The following TBL1XR1 variants were observed in gnomAD, a reference collection of about 807,000 sequenced individuals.
The protein encoded by TBL1XR1 is F-box-like/WD repeat-containing protein TBL1XR1.
Under a neutral mutation model 66.9 loss-of-function variants are expected in TBL1XR1, and 5 were observed. That is an observed-to-expected ratio of 0.07 (90% CI 0.04 to 0.16). The LOEUF (loss-of-function observed/expected upper bound fraction) is 0.16, where lower values mean the gene tolerates loss of function less well. Among genes scored for constraint, TBL1XR1 ranks in the 10% least tolerant of loss-of-function variants. The pLI is 1.00. For missense variants in TBL1XR1, 238 were observed against 623.2 expected, an observed-to-expected ratio of 0.38 and a Z score of 6.58; for synonymous variants, 210 against 206.0, an observed-to-expected ratio of 1.02 and a Z score of -0.17.
At chr3:177,034,386 T>A in intron 12 of TBL1XR1, 61 bp from the exon 13 acceptor site, 1 of 1,213,938 alleles carries the variant, frequency 8.2e-7, no homozygotes, top group Non-Finnish European at 1.1e-6. Context: ...ATTTAAAATA[T>A]TATTTTGACA....
chr3:177,053,981 G>A (rs1021643905), intron 3 of TBL1XR1, 63 bp from the exon 4 acceptor site: 3 of 1,498,900 alleles, frequency 2.0e-6, no homozygotes, highest in Non-Finnish European at 2.7e-6. Context: ...AAATGACACA[G>A]AAAGAAAGAT....
chr3:177,107,614 G>A (rs762830449), intron 1 of TBL1XR1, among the ~76,000 whole-genome samples: 2 of 151,970 alleles, frequency 1.3e-5, no homozygotes, highest in Admixed American at 6.6e-5. Flanking sequence ...TGATACATTC[G>A]AACCAGCAAA....
At chr3:177,044,870 C>T (rs1176748233) in intron 10 of TBL1XR1, 1 of 152,092 alleles carries the variant, frequency 6.6e-6, no homozygotes, top group Non-Finnish European at 1.5e-5. Context: ...CATAAACATA[C>T]TTACTTCAAC....
chr3:177,053,824 A>G lies in TBL1XR1; in HGVS notation c.153T>C (p.Ser51=). ...GALVPPAALI[S]IIQKGLQYVE... ...CATACTGTAGACCTTTCTGGATGAT[A>G]GAAATCAATGCAGCGGGTGGGACGA... The change falls in exon 4 of 16, where the codon TCT becomes TCC. Residue 51 remains serine, a synonymous_variant. Transcript: ENST00000457928. 1 of 1,613,564 alleles carries G rather than the reference A, an allele frequency of 6.2e-7. No individual in the cohort carries two copies.
At chr3:177,079,782 CA>C (rs1336907343) in intron 2 of TBL1XR1, 4 of 146,908 alleles carry the variant, frequency 2.7e-5, no homozygotes, top group African/African-American at 1.0e-4. Context: ...ATGAGGGTAG[CA>C]AATCACTTTA....
intron 1 of TBL1XR1, among the ~76,000 whole-genome samples, chr3:177,176,461 T>G (rs1734165485): frequency 6.7e-6 from 1 of 149,380 alleles, no homozygotes; most frequent in South Asian, 2.2e-4. Context: ...CCTCCCAAAG[T>G]ACTGGGAATA....
At chr3:177,031,632 A>G (rs944207539) in intron 14 of TBL1XR1, among the ~76,000 whole-genome samples, 1 of 148,520 alleles carries the variant, frequency 6.7e-6, no homozygotes, top group South Asian at 2.1e-4. Context: ...TGTGCAGCCT[A>G]AAATTTTATT....
chr3:177,122,391 TAAGAG>T (rs984227870), intron 1 of TBL1XR1, among the ~76,000 whole-genome samples: 1 of 151,784 alleles, frequency 6.6e-6, no homozygotes, highest in Non-Finnish European at 1.5e-5. Flanking sequence ...GTAATAGAAC[TAAGAG>T]AAGAGCATCA....
intron 1 of TBL1XR1, among the ~76,000 whole-genome samples, chr3:177,192,156 G>A (rs1460184477): frequency 3.3e-5 from 5 of 151,812 alleles, no homozygotes; most frequent in Non-Finnish European, 7.4e-5. Flanking sequence ...CCAGCACTTT[G>A]GGAGGCCAAA....
intron 2 of TBL1XR1, among the ~76,000 whole-genome samples, chr3:177,070,758 A>AT (rs1719870968): frequency 6.6e-6 from 1 of 152,218 alleles, no homozygotes; most frequent in South Asian, 2.1e-4. Context: ...AGATGGGAGA[A>AT]TCGCTTGAAC....
chr3:177,196,011 T>A (rs189119820), intron 1 of TBL1XR1, among the ~76,000 whole-genome samples: 47 of 152,276 alleles, frequency 3.1e-4, no homozygotes, highest in Non-Finnish European at 4.4e-4. Context: ...GACACTTAGA[T>A]AACCTAACAA....
chr3:177,122,022 A>C (rs1191200038), intron 1 of TBL1XR1, among the ~76,000 whole-genome samples: 2 of 152,164 alleles, frequency 1.3e-5, no homozygotes, highest in Non-Finnish European at 2.9e-5. Flanking sequence ...CAGCATTCCA[A>C]TTAACTGATG....
At chr3:177,086,735 C>T (rs1722171798) in intron 2 of TBL1XR1, among the ~76,000 whole-genome samples, 1 of 151,076 alleles carries the variant, frequency 6.6e-6, no homozygotes, top group African/African-American at 2.4e-5. Flanking sequence ...TACAGTTGAC[C>T]CTTGTACAAA....
At chr3:177,149,729 G>A (rs928985266) in intron 1 of TBL1XR1, among the ~76,000 whole-genome samples, 1 of 151,922 alleles carries the variant, frequency 6.6e-6, no homozygotes, top group Non-Finnish European at 1.5e-5. Flanking sequence ...GGCCGGAGGG[G>A]GACACAACGC....
chr3:177,104,387 C>G (rs1422602776), intron 1 of TBL1XR1, among the ~76,000 whole-genome samples: 2 of 152,288 alleles, frequency 1.3e-5, no homozygotes, highest in East Asian at 3.9e-4. Context: ...AGTATGTTAT[C>G]TCCAACAACA....
At chr3:177,128,705 G>A (rs2862701) in intron 1 of TBL1XR1, among the ~76,000 whole-genome samples, 1 of 152,116 alleles carries the variant, frequency 6.6e-6, no homozygotes, top group East Asian at 1.9e-4. Flanking sequence ...TTATGACACA[G>A]AGCAAATATC....
In TBL1XR1 at chr3:177,148,596, T is replaced by C. The variant is rs536813743; in HGVS notation, c.-122+48525A>G. 5.3e-5 allele frequency among the ~76,000 whole-genome samples: 8 copies of C among 152,100 alleles called. No homozygotes were observed. In the South Asian group the frequency reaches 1.7e-3, roughly 32 times the overall value. On this transcript the variant is annotated intron_variant, in intron 1 of 15. Transcript: ENST00000457928. ...CGAGCATGGTGCCGCATGCCTGTAATTGAACCTACTCAGGAGGCTGAGGCA... is the reference window on the plus strand; with the variant it reads ...CGAGCATGGTGCCGCATGCCTGTAACTGAACCTACTCAGGAGGCTGAGGCA...
At chr3:177,117,937 G>A (rs1441155164) in intron 1 of TBL1XR1, among the ~76,000 whole-genome samples, 1 of 152,182 alleles carries the variant, frequency 6.6e-6, no homozygotes, top group Admixed American at 6.5e-5. Flanking sequence ...TTTATACTAT[G>A]CAAGGTAGTA....
Position 177,161,612 on chromosome 3 carries a change from A to G in TBL1XR1, c.-122+35509T>C, listed in dbSNP as rs148786696. Among the ~76,000 whole-genome samples, 132 of 151,422 alleles carry G rather than the reference A, an allele frequency of 8.7e-4. 2 individuals are homozygous for G. In the East Asian group the frequency reaches 0.024, roughly 27 times the overall value. On this transcript the variant is annotated intron_variant, in intron 1 of 15. Transcript: ENST00000457928. ...AGCCTGGCCAACTTGGTGAAACCCCATCTCTGCAAAAAAATATAAAAATTA... is the reference window on the plus strand; with the variant it reads ...AGCCTGGCCAACTTGGTGAAACCCCGTCTCTGCAAAAAAATATAAAAATTA...
Sources: gnomAD v4.1 joint callset for allele counts (sites outside exome capture counted in the v4.1 genomes callset) on GRCh38, gnomAD v4.1.1 for gene constraint, MANE v1.5 for transcripts, NCBI Gene and HGNC (gene_info 2026-07-23, HGNC 2026-07-21) for gene names.